TMEM183A: variants seen among roughly 807,000 people sequenced by gnomAD.
TMEM183A encodes the protein transmembrane protein 183A.
Under a neutral mutation model 46.7 loss-of-function variants are expected in TMEM183A, and 21 were observed. The observed-to-expected ratio is 0.45, with a 90% CI of 0.32 to 0.65. The LOEUF (loss-of-function observed/expected upper bound fraction) is 0.65. TMEM183A is among the 30% of genes least tolerant of loss of function. The pLI is 0.04. For synonymous variants in TMEM183A, 165 were observed against 180.2 expected (o/e 0.92, Z 0.68); for missense variants, 331 against 481.9 (o/e 0.69, Z 2.93).
At position 203,007,388 on chromosome 1, in the gene TMEM183A, C is replaced by T. The variant is rs557859909; in HGVS notation, c.-78C>T. ...GGACCTATGTTCTCGCGAGAGTTAG[C>T]GGCCTCCGGTGTGGGATGGCCGCGG... On this transcript the variant is annotated 5_prime_UTR_variant, in exon 1 of 8. Transcript: ENST00000367242. 26 of 1,284,116 alleles carry T rather than the reference C, an allele frequency of 2.0e-5. No homozygotes were observed. Among genetic ancestry groups the T allele is most frequent in the South Asian group, 6.2e-5 (3 of 48,488 alleles). 79.5% of individuals were successfully genotyped at this position (1,284,116 alleles called of 1,614,324 possible). A position where few individuals can be genotyped will look rare whatever the true frequency, so the allele number is the denominator to read the frequency against.
intron 3 of TMEM183A, among the ~76,000 whole-genome samples, chr1:203,009,048 A>T (rs1656292802): frequency 6.6e-6 from 1 of 152,090 alleles, no homozygotes; most frequent in African/African-American, 2.4e-5. Flanking sequence ...AGAGTTCTGG[A>T]GCTGTGAACT....
Position 203,007,520 on chromosome 1 carries a change from C to T in TMEM183A, c.55C>T (p.Pro19Ser), listed in dbSNP as rs769451350. The T allele has an allele frequency of 2.6e-6, 4 of 1,540,632 alleles. No individual in the cohort carries two copies. Among genetic ancestry groups the T allele is most frequent in the South Asian group, 2.4e-5 (2 of 84,754 alleles). The change falls in exon 1 of 8, where the codon CCC (proline) becomes TCC (serine). Residue 19 changes from proline (P) to serine (S), a missense_variant. Coordinates refer to ENST00000367242, the MANE Select transcript of TMEM183A (RefSeq NM_138391.6). ...GRPRPDTVAM[P>S]KRGKRLKFRA... ...GCCTCGCCCCGATACGGTCGCCATG[C>T]CCAAGAGAGGAAAGCGACTCAAGTT...
intron 6 of TMEM183A, among the ~76,000 whole-genome samples, chr1:203,020,128 A>G (rs1657530466): frequency 6.6e-6 from 1 of 152,214 alleles, no homozygotes; most frequent in African/African-American, 2.4e-5. Flanking sequence ...GGTGGGTTAC[A>G]GATAAGTTTG....
At chr1:203,012,873 G>T (rs959322273) in intron 3 of TMEM183A, among the ~76,000 whole-genome samples, 4 of 152,140 alleles carry the variant, frequency 2.6e-5, no homozygotes, top group Admixed American at 2.6e-4. Context: ...GAGACTACAG[G>T]CATGCACCAC....
chr1:203,018,574 C>G lies in TMEM183A; in HGVS notation c.789+13C>G, dbSNP rs1558043829. On this transcript the variant is annotated intron_variant, in intron 6 of 7. Coordinates refer to ENST00000367242, the MANE Select transcript of TMEM183A (RefSeq NM_138391.6). ...GTTCAAAAAACAGGTACGTGGTCTT[C>G]TCTTTGTTTTTCAGATAATACCTTG... 2 of 1,611,202 alleles carry G rather than the reference C, an allele frequency of 1.2e-6. No homozygotes were observed. Among genetic ancestry groups the G allele is most frequent in the East Asian group, 2.2e-5 (1 of 44,826 alleles).
At position 203,024,206 on chromosome 1, in the gene TMEM183A, T is replaced by C. The variant is rs1187260120; in HGVS notation, c.*1166T>C. Reference sequence around the variant, plus strand: ...TACTGTGCTGCTTCTGCTGTCATCCTGTGTGCCTACAGAAGCCTGGTCTTC... The same window carrying C: ...TACTGTGCTGCTTCTGCTGTCATCCCGTGTGCCTACAGAAGCCTGGTCTTC... On this transcript the variant is annotated 3_prime_UTR_variant, in exon 8 of 8. Transcript: ENST00000367242. The C allele has an allele frequency of 6.6e-6, 1 of 152,288 alleles. No individual in the cohort carries two copies. The highest frequency in any genetic ancestry group is 1.5e-5 in the Non-Finnish European group (1 of 68,070). The allele number at this position is 152,288 out of a possible 1,614,324, so 9.4% of individuals were successfully genotyped here.
intron 3 of TMEM183A, among the ~76,000 whole-genome samples, chr1:203,012,148 T>TGACA (rs1656666696): frequency 1.3e-5 from 1 of 79,400 alleles, no homozygotes; most frequent in Non-Finnish European, 2.4e-5. Flanking sequence ...CCCCACTCCA[T>TGACA]CACACACACA....
In TMEM183A at chr1:203,007,862, A is replaced by G. The variant is rs1362895299; in HGVS notation, c.198A>G (p.Glu66=). 1.3e-5 allele frequency: 21 copies of G among 1,613,966 alleles called. No individual in the cohort carries two copies. The highest frequency in any genetic ancestry group is 1.7e-5 in the Non-Finnish European group (20 of 1,179,952). Residue 66 remains glutamate, a splice_region_variant and synonymous_variant, in exon 2 of 8, where the codon GAA becomes GAG. Coordinates refer to ENST00000367242, the MANE Select transcript of TMEM183A (RefSeq NM_138391.6). ...KKAVANAVQQ[E]VKSLCGLEAS... is the part of the protein sequence containing the mutation. ...CCGTAGCCAACGCTGTTCAGCAGGA[A>G]GGTAAGCTTTGCGCGAGCCTTTAAA...
At position 203,007,585 on chromosome 1, in the gene TMEM183A, G is replaced by C. The variant is rs987326703; in HGVS notation, c.109+11G>C. 22 of 1,541,692 alleles carry C rather than the reference G, an allele frequency of 1.4e-5. No homozygotes were observed. Among genetic ancestry groups the C allele is most frequent in the Admixed American group, 1.9e-5 (1 of 51,564 alleles). ...CCTGCTCCGGCCGAGGTGGGCGAGG[G>C]GGGCAGGGGCGCTGAAACATTTTGG... is the stretch of plus-strand genomic sequence containing the variant. On this transcript the variant is annotated intron_variant, in intron 1 of 7. Coordinates refer to ENST00000367242, the MANE Select transcript of TMEM183A (RefSeq NM_138391.6).
Position 203,019,842 on chromosome 1 carries a change from C to T in TMEM183A, c.790-951C>T, listed in dbSNP as rs186842792. On this transcript the variant is annotated intron_variant, in intron 6 of 7. Coordinates refer to ENST00000367242, the MANE Select transcript of TMEM183A (RefSeq NM_138391.6). Reference sequence around the variant, plus strand: ...CAAGCCTTGAACAGTGACAGTATTACTCAAAGGACACCTGTATTATTAGGT... The same window carrying T: ...CAAGCCTTGAACAGTGACAGTATTATTCAAAGGACACCTGTATTATTAGGT... Among the ~76,000 whole-genome samples, 139 of 152,280 alleles carry T rather than the reference C, an allele frequency of 9.1e-4. 1 individual carries two copies. The highest frequency in any genetic ancestry group is 8.8e-3 in the Admixed American group (134 of 15,296).
At chr1:203,016,208 G>A (rs755781203) in intron 5 of TMEM183A, 68 bp downstream of exon 5, 1 of 1,606,244 alleles carries the variant, frequency 6.2e-7, no homozygotes, top group Non-Finnish European at 8.5e-7. Flanking sequence ...ATCATGGCTT[G>A]TCTCCAGCTT....
intron 3 of TMEM183A, among the ~76,000 whole-genome samples, chr1:203,012,134 T>C (rs1656661276): frequency 7.3e-6 from 1 of 136,980 alleles, no homozygotes; most frequent in Admixed American, 7.6e-5. Context: ...CTTCAACCAT[T>C]ACCCCCCACT....
At chr1:203,012,148 T>TCACACACACACACACACACACA (rs767000280) in intron 3 of TMEM183A, among the ~76,000 whole-genome samples, 1 of 79,400 alleles carries the variant, frequency 1.3e-5, no homozygotes, top group African/African-American at 5.0e-5. Flanking sequence ...CCCCACTCCA[T>TCACACACACACACACACACACA]CACACACACA....
chr1:203,014,132 A>T (rs146027925), intron 3 of TMEM183A, among the ~76,000 whole-genome samples: 1 of 152,214 alleles, frequency 6.6e-6, no homozygotes, highest in South Asian at 2.1e-4. Context: ...AACCATGAGC[A>T]GGGCTTAATA....
chr1:203,009,078 T>C (rs993686686), intron 3 of TMEM183A, among the ~76,000 whole-genome samples: 1 of 152,192 alleles, frequency 6.6e-6, no homozygotes, highest in Non-Finnish European at 1.5e-5. Flanking sequence ...TAGCCCTTCA[T>C]TGAGAACATG....
At chr1:203,014,748 AATG>A in intron 3 of TMEM183A, 138 bp from the exon 4 acceptor site, 1 of 1,261,948 alleles carries the variant, frequency 7.9e-7, no homozygotes, top group Non-Finnish European at 1.1e-6. Context: ...ATGAGCAGGA[AATG>A]ATAAGTTTGA....
At chr1:203,014,820 G>T in intron 3 of TMEM183A, 69 bp from the exon 4 acceptor site, 2 of 1,577,676 alleles carry the variant, frequency 1.3e-6, no homozygotes. Context: ...ATCCTTGGGA[G>T]AAATGAAATT....
Position 203,014,853 on chromosome 1 carries a change from G to A in TMEM183A, c.368-36G>A, listed in dbSNP as rs756011437. 5 of 1,611,416 alleles carry A rather than the reference G, an allele frequency of 3.1e-6. No homozygotes were observed. In the South Asian group the frequency reaches 4.4e-5, roughly 14 times the overall value. On this transcript the variant is annotated intron_variant, in intron 3 of 7. Coordinates refer to ENST00000367242, the MANE Select transcript of TMEM183A (RefSeq NM_138391.6). ...ATTATCGAGTATCTTTAGATATGGT[G>A]TAGAAGATCAGAGATTATTCTTTTT...
chr1:203,022,824 G>A (rs1657827278), intron 7 of TMEM183A, 31 bp from the exon 8 acceptor site: 1 of 1,613,564 alleles, frequency 6.2e-7, no homozygotes, highest in Non-Finnish European at 8.5e-7. Context: ...GGTTGTGTAA[G>A]TTGGATACTG....
Sources: allele counts gnomAD v4.1 joint callset (sites outside exome capture counted in the v4.1 genomes callset), GRCh38; gene constraint gnomAD v4.1.1; transcripts MANE v1.5; gene names NCBI Gene and HGNC (gene_info 2026-07-23, HGNC 2026-07-21).